Variants in AGPAT4 observed in about 807,000 individuals in gnomAD.
AGPAT4 encodes the protein 1-acylglycerol-3-phosphate O-acyltransferase 4, also known as 1-acyl-sn-glycerol-3-phosphate acyltransferase delta.
AGPAT4 carries 15 observed loss-of-function variants against 48.0 expected under a neutral mutation model. The observed-to-expected ratio is 0.31, with a 90% CI of 0.21 to 0.48. AGPAT4 has a LOEUF of 0.48. Among genes scored for constraint, AGPAT4 ranks in the 20% least tolerant of loss-of-function variants. AGPAT4 has a pLI of 0.99. For synonymous variants in AGPAT4, 178 were observed against 198.7 expected, an observed-to-expected ratio of 0.90 and a Z score of 0.88; for missense variants, 314 against 482.5, an observed-to-expected ratio of 0.65 and a Z score of 3.27.
chr6:161,155,178 C>A lies in AGPAT4; in HGVS notation c.349-868G>T, dbSNP rs1316953959. On this transcript the variant is annotated intron_variant, in intron 3 of 8. Coordinates refer to ENST00000320285, the MANE Select transcript of AGPAT4 (RefSeq NM_020133.3). This position sits in a 1 kb window ranked among gnomAD's most constrained non-coding sequence, Gnocchi z 5.8. ...TCCCCAGGGCTCGGTGTGGCCCTCC[C>A]CAGCCAGGCGTCCACTACATCAGTC... 1.3e-5 allele frequency among the ~76,000 whole-genome samples: 2 copies of A among 152,206 alleles called. No homozygotes were observed. The highest frequency in any genetic ancestry group is 6.5e-5 in the Admixed American group (1 of 15,274).
At position 161,231,959 on chromosome 6, in the gene AGPAT4, G is replaced by A; in HGVS notation, c.178+77C>T. 7.0e-7 allele frequency: 1 copy of A among 1,422,642 alleles called. No individual in the cohort carries two copies. The highest frequency in any genetic ancestry group is 1.8e-4 in the Middle Eastern group (1 of 5,474). 88.1% of individuals were successfully genotyped at this position (1,422,642 alleles called of 1,614,324 possible). A position where few individuals can be genotyped will look rare whatever the true frequency, so the allele number is the denominator to read the frequency against. On this transcript the variant is annotated intron_variant, in intron 2 of 8. Coordinates refer to ENST00000320285, the MANE Select transcript of AGPAT4 (RefSeq NM_020133.3). This position sits in a 1 kb window ranked among gnomAD's most constrained non-coding sequence, Gnocchi z 5.3. ...GCTCGGCACACAACGAAAGCCTAGT[G>A]AATCCATATCAAGAGCCATAATTCT...
rs943840249 is a variant in AGPAT4 at position 161,267,683 on chromosome 6, T to C, written c.-90+6255A>G. Among the ~76,000 whole-genome samples, 1 of 151,788 alleles carries C rather than the reference T, an allele frequency of 6.6e-6. No homozygotes were observed. The highest frequency in any genetic ancestry group is 1.5e-5 in the Non-Finnish European group (1 of 67,966). ...GTTGCAGTGAGCCAAGACTGCGCCA[T>C]TGCACTCCAGCCTGGGCAACAAGAA... is the stretch of plus-strand genomic sequence containing the variant. On this transcript the variant is annotated intron_variant, in intron 1 of 8. Transcript: ENST00000320285. The surrounding 1 kb of genome is among the most constrained non-coding windows in gnomAD (Gnocchi z 5.2).
At chr6:161,183,394 C>T (rs765810690) in intron 2 of AGPAT4, among the ~76,000 whole-genome samples, 29 of 151,710 alleles carry the variant, frequency 1.9e-4, no homozygotes, top group South Asian at 4.2e-4. Flanking sequence ...CCCAGGTGGG[C>T]GGAGCACTTA....
At chr6:161,163,153 A>G (rs1407934591) in intron 3 of AGPAT4, among the ~76,000 whole-genome samples, 1 of 152,250 alleles carries the variant, frequency 6.6e-6, no homozygotes, top group African/African-American at 2.4e-5. Context: ...TAAAAAGACA[A>G]TTCCATTACT....
Position 161,165,108 on chromosome 6 carries a change from G to C in AGPAT4, c.348+1140C>G, listed in dbSNP as rs1431438590. 6.6e-6 allele frequency among the ~76,000 whole-genome samples: 1 copy of C among 152,180 alleles called. No individual in the cohort carries two copies. The highest frequency in any genetic ancestry group is 1.5e-5 in the Non-Finnish European group (1 of 68,048). ...CTAAGGGGCGATCTCTCATCAGAGAGAATAAATCCACAAAGCTGTAACTCA... is the reference window on the plus strand; with the variant it reads ...CTAAGGGGCGATCTCTCATCAGAGACAATAAATCCACAAAGCTGTAACTCA... On this transcript the variant is annotated intron_variant, in intron 3 of 8. Transcript: ENST00000320285. This position sits in a 1 kb window ranked among gnomAD's most constrained non-coding sequence, Gnocchi z 5.5.
chr6:161,228,661 T>TAAAAAAAAAA (rs375011382), intron 2 of AGPAT4, among the ~76,000 whole-genome samples: 9 of 84,088 alleles, frequency 1.1e-4, no homozygotes, highest in African/African-American at 3.4e-4. Flanking sequence ...GTCAGAGAGG[T>TAAAAAAAAAA]AAAAAAAAAA....
chr6:161,146,735 T>C lies in AGPAT4; in HGVS notation c.768-136A>G. ...GTGGAACTGAAGAGAGTAATGCAAGTGATAGAAAGAAGGGGCGTTCCACAT... is the reference window on the plus strand; with the variant it reads ...GTGGAACTGAAGAGAGTAATGCAAGCGATAGAAAGAAGGGGCGTTCCACAT... On this transcript the variant is annotated intron_variant, in intron 6 of 8. Coordinates refer to ENST00000320285, the MANE Select transcript of AGPAT4 (RefSeq NM_020133.3). This position sits in a 1 kb window ranked among gnomAD's most constrained non-coding sequence, Gnocchi z 7.1. 1 of 769,182 alleles carries C rather than the reference T, an allele frequency of 1.3e-6. No homozygotes were observed. Among genetic ancestry groups the C allele is most frequent in the South Asian group, 1.7e-5 (1 of 57,960 alleles). The allele number at this position is 769,182 out of a possible 1,614,324, so 47.6% of individuals were successfully genotyped here. A position where few individuals can be genotyped will look rare whatever the true frequency, so the allele number is the denominator to read the frequency against.
At chr6:161,239,123 A>G (rs1476874122) in intron 1 of AGPAT4, among the ~76,000 whole-genome samples, 1 of 152,210 alleles carries the variant, frequency 6.6e-6, no homozygotes, top group African/African-American at 2.4e-5. Context: ...ACAGACACAG[A>G]CAGCCAGGCA....
Position 161,135,868 on chromosome 6 carries a change from C to G in AGPAT4, c.*672G>C, listed in dbSNP as rs931049449. 1 of 152,684 alleles carries G rather than the reference C, an allele frequency of 6.5e-6. No individual in the cohort carries two copies. The highest frequency in any genetic ancestry group is 2.4e-5 in the African/African-American group (1 of 41,460). The allele number at this position is 152,684 out of a possible 1,614,324, so 9.5% of individuals were successfully genotyped here. A position where few individuals can be genotyped will look rare whatever the true frequency, so the allele number is the denominator to read the frequency against. On this transcript the variant is annotated 3_prime_UTR_variant, in exon 9 of 9. Coordinates refer to ENST00000320285, the MANE Select transcript of AGPAT4 (RefSeq NM_020133.3). ...CAGGGACACGCTTCGTTGGTCTCCA[C>G]GCACGTGCTTGCCATCTCTGCTCTC... is the stretch of plus-strand genomic sequence containing the variant.
Position 161,142,546 on chromosome 6 carries a change from G to A in AGPAT4, c.844-2926C>T, listed in dbSNP as rs955955633. Among the ~76,000 whole-genome samples the A allele has an allele frequency of 6.6e-6, 1 of 152,140 alleles. No individual in the cohort carries two copies. Among genetic ancestry groups the A allele is most frequent in the Non-Finnish European group, 1.5e-5 (1 of 68,026 alleles). Reference sequence around the variant, plus strand: ...AGAGGCGGCAGATCCCCGGACGAACGCCCCCTGCAGCCCGCAACAAAGGCA... The same window carrying A: ...AGAGGCGGCAGATCCCCGGACGAACACCCCCTGCAGCCCGCAACAAAGGCA... On this transcript the variant is annotated intron_variant, in intron 7 of 8. Coordinates refer to ENST00000320285, the MANE Select transcript of AGPAT4 (RefSeq NM_020133.3). The surrounding 1 kb of genome is among the most constrained non-coding windows in gnomAD (Gnocchi z 6.4).
Position 161,188,363 on chromosome 6 carries a change from AT to A in AGPAT4, c.179-21947del, listed in dbSNP as rs377488155. ...ATTAAGGATTATGTATAAATTGCAC[AT>A]TTTTCTATCAGACTTGTGATAAATT... On this transcript the variant is annotated intron_variant, in intron 2 of 8. Transcript: ENST00000320285. 3.2e-3 allele frequency among the ~76,000 whole-genome samples: 492 copies of A among 152,242 alleles called. 3 individuals are homozygous for A. The highest frequency in any genetic ancestry group is 0.011 in the African/African-American group (452 of 41,558).
intron 1 of AGPAT4, among the ~76,000 whole-genome samples, chr6:161,250,193 T>C (rs1782768820): frequency 6.6e-6 from 1 of 152,058 alleles, no homozygotes; most frequent in Non-Finnish European, 1.5e-5. Context: ...GCCTATCAGA[T>C]GGCGGAGGGT....
chr6:161,153,942 C>T (rs1406389814), intron 4 of AGPAT4, among the ~76,000 whole-genome samples: 1 of 150,994 alleles, frequency 6.6e-6, no homozygotes, highest in Admixed American at 6.6e-5. Flanking sequence ...TGGTCATACA[C>T]GGCCCCACAG....
chr6:161,225,148 G>C lies in AGPAT4; in HGVS notation c.178+6888C>G, dbSNP rs538168831. Among the ~76,000 whole-genome samples the C allele has an allele frequency of 1.4e-4, 21 of 151,646 alleles. 1 individual carries two copies. Among genetic ancestry groups the C allele is most frequent in the African/African-American group, 2.4e-5 (1 of 41,182 alleles). ...TACCTGCTCCACCCTGACTCCTTCC[G>C]ATGACCTGCTCCACCCTGACTCATT... On this transcript the variant is annotated intron_variant, in intron 2 of 8. Transcript: ENST00000320285. The surrounding 1 kb of genome is among the most constrained non-coding windows in gnomAD (Gnocchi z 5.0).
rs1398119590 is a variant in AGPAT4, at chr6:161,267,266, A to G, written c.-90+6672T>C. 6.6e-6 allele frequency among the ~76,000 whole-genome samples: 1 copy of G among 152,208 alleles called. No individual in the cohort carries two copies. The highest frequency in any genetic ancestry group is 2.4e-5 in the African/African-American group (1 of 41,462). On this transcript the variant is annotated intron_variant, in intron 1 of 8. Transcript: ENST00000320285. This position sits in a 1 kb window ranked among gnomAD's most constrained non-coding sequence, Gnocchi z 5.2. ...CCATAATAAAAACAACACTCCCTGA[A>G]AACTATAGTAGCTTGTCTTATAAAG...
rs1388126073 is a variant in AGPAT4 at position 161,197,367 on chromosome 6, G to A, written c.179-30950C>T. Among the ~76,000 whole-genome samples, 5 of 152,140 alleles carry A rather than the reference G, an allele frequency of 3.3e-5. No homozygotes were observed. Among genetic ancestry groups the A allele is most frequent in the Non-Finnish European group, 7.3e-5 (5 of 68,028 alleles). On this transcript the variant is annotated intron_variant, in intron 2 of 8. Coordinates refer to ENST00000320285, the MANE Select transcript of AGPAT4 (RefSeq NM_020133.3). This position sits in a 1 kb window ranked among gnomAD's most constrained non-coding sequence, Gnocchi z 5.7. The stretch of plus-strand genomic sequence containing the variant: ...GATTCTTGATGGAGTAAGTACACCT[G>A]CTTATGTTTATTTCTTAACATGTTA...
intron 1 of AGPAT4, among the ~76,000 whole-genome samples, chr6:161,269,504 G>C (rs537287410): frequency 6.6e-6 from 1 of 152,190 alleles, no homozygotes; most frequent in Admixed American, 6.5e-5. Flanking sequence ...GGGCAGGCGC[G>C]GTGGCTCACG....
At chr6:161,182,282 C>T (rs1780621487) in intron 2 of AGPAT4, among the ~76,000 whole-genome samples, 1 of 148,950 alleles carries the variant, frequency 6.7e-6, no homozygotes, top group Non-Finnish European at 1.5e-5. Flanking sequence ...CATCCCAGCA[C>T]CTCATCCCAG....
Position 161,169,356 on chromosome 6 carries a change from T to C in AGPAT4, c.179-2939A>G, listed in dbSNP as rs1244534073. On this transcript the variant is annotated intron_variant, in intron 2 of 8. Transcript: ENST00000320285. This position sits in a 1 kb window ranked among gnomAD's most constrained non-coding sequence, Gnocchi z 5.0. The stretch of plus-strand genomic sequence containing the variant: ...TCAGCACAGCGAGAGGGGATGGTGC[T>C]GGGACCAGGTGGGGGAAGACCAAAT... 6.6e-6 allele frequency among the ~76,000 whole-genome samples: 1 copy of C among 152,214 alleles called. No individual in the cohort carries two copies. Among genetic ancestry groups the C allele is most frequent in the African/African-American group, 2.4e-5 (1 of 41,454 alleles).
Sources: allele counts gnomAD v4.1 joint callset (sites outside exome capture counted in the v4.1 genomes callset), GRCh38; gene constraint gnomAD v4.1.1; non-coding constraint Gnocchi (gnomAD v3.1); transcripts MANE v1.5; gene names NCBI Gene and HGNC (gene_info 2026-07-23, HGNC 2026-07-21).